The following HYCC1 variants were observed in gnomAD, a reference collection of about 807,000 sequenced individuals.
HYCC1 encodes hyccin.
the HYCC1 span, among the ~76,000 whole-genome samples, chr7:22,903,110 C>T: frequency 6.6e-6 from 1 of 152,170 alleles, no homozygotes; most frequent in South Asian, 2.1e-4. Flanking sequence ...CCCTTATACA[C>T]TCCTGGAGTG....
At chr7:22,929,166 C>G in the HYCC1 span, among the ~76,000 whole-genome samples, 2 of 152,188 alleles carry the variant, frequency 1.3e-5, no homozygotes. Context: ...GGACCCCTTC[C>G]TTACACCTTA....
the HYCC1 span, among the ~76,000 whole-genome samples, chr7:22,980,693 G>A: frequency 7.9e-5 from 12 of 152,036 alleles, no homozygotes; most frequent in East Asian, 1.9e-4. Flanking sequence ...AAAAAGATAC[G>A]GAAAAGTTGG....
the HYCC1 span, among the ~76,000 whole-genome samples, chr7:22,947,414 A>G: frequency 6.6e-6 from 1 of 152,128 alleles, no homozygotes; most frequent in Non-Finnish European, 1.5e-5. Flanking sequence ...TGATAGCACC[A>G]GAGACAATAG....
the HYCC1 span, among the ~76,000 whole-genome samples, chr7:22,916,142 T>G: frequency 2.0e-5 from 3 of 152,140 alleles, no homozygotes; most frequent in Non-Finnish European, 4.4e-5. Context: ...CTGTTATCGC[T>G]CGCCTGTTAC....
At chr7:22,982,379 A>T in the HYCC1 span, among the ~76,000 whole-genome samples, 2 of 152,192 alleles carry the variant, frequency 1.3e-5, no homozygotes, top group Admixed American at 6.5e-5. Flanking sequence ...CCTAAAATTC[A>T]TGATACGCAT....
At chr7:22,998,351 ATTTAGATTTCT>A in the HYCC1 span, among the ~76,000 whole-genome samples, 4 of 152,140 alleles carry the variant, frequency 2.6e-5, no homozygotes, top group African/African-American at 4.8e-5. Context: ...TTTATTAACA[ATTTAGATTTCT>A]TTTAGATAAG....
At chr7:22,930,738 T>C in the HYCC1 span, among the ~76,000 whole-genome samples, 1 of 151,900 alleles carries the variant, frequency 6.6e-6, no homozygotes, top group Non-Finnish European at 1.5e-5. Flanking sequence ...AATCAAATAA[T>C]CAAAGAAACA....
chr7:22,924,965 G>A, the HYCC1 span, among the ~76,000 whole-genome samples: 1 of 152,156 alleles, frequency 6.6e-6, no homozygotes, highest in South Asian at 2.1e-4. Flanking sequence ...ACACAGCCGG[G>A]TACTCCTCTG....
chr7:22,940,676 A>G, the HYCC1 span: 1 of 152,158 alleles, frequency 6.6e-6, no homozygotes, highest in East Asian at 1.9e-4. Context: ...CTTATCCTTG[A>G]TTCTTTTCCA....
chr7:22,996,083 T>C, the HYCC1 span, among the ~76,000 whole-genome samples: 1 of 151,834 alleles, frequency 6.6e-6, no homozygotes, highest in South Asian at 2.1e-4. Flanking sequence ...TCACTTGAGG[T>C]TAGGAGTTTG....
At chr7:22,951,147 A>T in the HYCC1 span, among the ~76,000 whole-genome samples, 4 of 151,980 alleles carry the variant, frequency 2.6e-5, no homozygotes, top group African/African-American at 9.7e-5. Context: ...GCAAATTGCA[A>T]ATATTATTAA....
the HYCC1 span, among the ~76,000 whole-genome samples, chr7:22,992,947 G>A: frequency 3.3e-5 from 5 of 152,154 alleles, no homozygotes; most frequent in African/African-American, 4.8e-5. Context: ...CAACAGAACT[G>A]TGGGACCTGG....
At chr7:22,990,797 G>C in the HYCC1 span, among the ~76,000 whole-genome samples, 3 of 152,114 alleles carry the variant, frequency 2.0e-5, no homozygotes, top group Non-Finnish European at 4.4e-5. Context: ...TCAACATTCA[G>C]AGACTTTAAC....
the HYCC1 span, among the ~76,000 whole-genome samples, chr7:22,920,893 G>C: frequency 6.6e-6 from 1 of 152,126 alleles, no homozygotes; most frequent in Non-Finnish European, 1.5e-5. Context: ...ATGAGTTCTT[G>C]CTCAGCTAGT....
the HYCC1 span, among the ~76,000 whole-genome samples, chr7:22,975,459 C>G: frequency 5.3e-5 from 8 of 152,052 alleles, no homozygotes; most frequent in African/African-American, 1.7e-4. Context: ...TATTTTATAA[C>G]CCCTTGGCTC....
chr7:22,923,348 T>G, the HYCC1 span, among the ~76,000 whole-genome samples: 7 of 152,138 alleles, frequency 4.6e-5, no homozygotes, highest in Non-Finnish European at 1.0e-4. Context: ...ATTCAGACTT[T>G]TAGATGAATG....
chr7:23,000,076 C>T, the HYCC1 span, among the ~76,000 whole-genome samples: 2 of 151,870 alleles, frequency 1.3e-5, no homozygotes, highest in Non-Finnish European at 2.9e-5. Context: ...AACCGATCTC[C>T]CATCCCTGCT....
At chr7:22,981,072 A>G in the HYCC1 span, among the ~76,000 whole-genome samples, 1 of 152,228 alleles carries the variant, frequency 6.6e-6, no homozygotes, top group East Asian at 1.9e-4. Context: ...CTCAGTCCCA[A>G]CACATATTTC....
chr7:23,002,358 A>C, the HYCC1 span, among the ~76,000 whole-genome samples: 2 of 151,860 alleles, frequency 1.3e-5, no homozygotes, highest in African/African-American at 4.8e-5. Context: ...GATTATACAC[A>C]AGCAATTAGC....
Sources: gnomAD v4.1 joint callset for allele counts (sites outside exome capture counted in the v4.1 genomes callset) on GRCh38, gnomAD v4.1.1 for gene constraint, MANE v1.5 for transcripts, NCBI Gene and HGNC (gene_info 2026-07-23, HGNC 2026-07-21) for gene names.